CREBL2: variants seen among roughly 807,000 people sequenced by gnomAD.
CREBL2 encodes cAMP responsive element binding protein like 2, also known as cAMP-responsive element-binding protein-like 2.
Under a neutral mutation model 19.5 loss-of-function variants are expected in CREBL2, and 4 were observed. That is an observed-to-expected ratio of 0.20 (90% CI 0.10 to 0.47). The LOEUF is 0.47. CREBL2 is among the 20% of genes least tolerant of loss of function. The probability of loss-of-function intolerance (pLI) is 0.98; values close to 1 mark genes in which losing one functional copy is unlikely to be tolerated. For missense variants in CREBL2, 85 were observed against 145.1 expected (o/e 0.59, Z 2.13); for synonymous variants, 42 against 46.6 (o/e 0.90, Z 0.40).
At position 12,613,854 on chromosome 12, in the gene CREBL2, G is replaced by A. The variant is rs1474191074; in HGVS notation, c.15+1667G>A. Among the ~76,000 whole-genome samples, 6 of 151,146 alleles carry A rather than the reference G, an allele frequency of 4.0e-5. No individual in the cohort carries two copies. In the East Asian group the frequency reaches 7.7e-4, roughly 19 times the overall value. On this transcript the variant is annotated intron_variant, in intron 1 of 3. Transcript: ENST00000228865. ...AACATTCGTGGGGTATGATATTGGG[G>A]AAGTGGTATTTCCAAGACAGAAGGG...
chr12:12,616,877 T>G (rs1206065963), intron 1 of CREBL2, among the ~76,000 whole-genome samples: 1 of 152,144 alleles, frequency 6.6e-6, no homozygotes, highest in Non-Finnish European at 1.5e-5. Context: ...ATAAACTGGC[T>G]GACAGCAAGA....
At position 12,615,840 on chromosome 12, in the gene CREBL2, A is replaced by G. The variant is rs1030891355; in HGVS notation, c.15+3653A>G. ...TTCCATGTATGTGGCCGAAGGAACA[A>G]CTCCATGTGTTCTAAAAGGCCTGGA... On this transcript the variant is annotated intron_variant, in intron 1 of 3. Transcript: ENST00000228865. 4.6e-5 allele frequency: 7 copies of G among 152,170 alleles called. 1 individual carries two copies. The highest frequency in any genetic ancestry group is 1.7e-4 in the African/African-American group (7 of 41,386). 9.4% of individuals were successfully genotyped at this position (152,170 alleles called of 1,614,324 possible). A position where few individuals can be genotyped will look rare whatever the true frequency, so the allele number is the denominator to read the frequency against.
At chr12:12,619,075 G>GGGAGAGGAGGGA in intron 1 of CREBL2, among the ~76,000 whole-genome samples, 1 of 151,754 alleles carries the variant, frequency 6.6e-6, no homozygotes, top group Non-Finnish European at 1.5e-5. Context: ...GAGAGGGAGA[G>GGGAGAGGAGGGA]GAGGGAGAGG....
chr12:12,638,999 GA>G (rs1319990778), intron 3 of CREBL2, among the ~76,000 whole-genome samples: 1 of 152,050 alleles, frequency 6.6e-6, no homozygotes, highest in Non-Finnish European at 1.5e-5. Context: ...TGGCAACCAT[GA>G]ATCTACTTTC....
chr12:12,630,001 A>G (rs960604642), intron 1 of CREBL2, among the ~76,000 whole-genome samples: 1 of 152,126 alleles, frequency 6.6e-6, no homozygotes, highest in African/African-American at 2.4e-5. Context: ...TGCTAGATTC[A>G]GCCTTCTAGT....
intron 1 of CREBL2, among the ~76,000 whole-genome samples, chr12:12,624,002 C>G (rs1335508042): frequency 1.3e-5 from 2 of 152,196 alleles, no homozygotes; most frequent in Non-Finnish European, 2.9e-5. Context: ...GATTCTTCCC[C>G]ATGACCTCCA....
chr12:12,624,856 A>G (rs1355691438), intron 1 of CREBL2, among the ~76,000 whole-genome samples: 1 of 152,210 alleles, frequency 6.6e-6, no homozygotes, highest in Non-Finnish European at 1.5e-5. Context: ...ATGAGGTCAC[A>G]CAAATGAATT....
At chr12:12,619,154 A>G (rs1399263059) in intron 1 of CREBL2, among the ~76,000 whole-genome samples, 1 of 152,088 alleles carries the variant, frequency 6.6e-6, no homozygotes, top group Non-Finnish European at 1.5e-5. Flanking sequence ...TGTAACACCT[A>G]CACTACCCTT....
chr12:12,621,122 A>G (rs773750199), intron 1 of CREBL2, among the ~76,000 whole-genome samples: 1 of 152,242 alleles, frequency 6.6e-6, no homozygotes, highest in Non-Finnish European at 1.5e-5. Context: ...CATGCACACC[A>G]TATGGTCTCT....
rs764642919 is a variant in CREBL2, at chr12:12,612,881, TATTA to T, written c.15+698_15+701del. Reference sequence around the variant, plus strand: ...TATGTATAGCCTTTTTGTCTTTATTTATTAATTGAGACGGAGTTTCGCTCTTGTC... The same window carrying T: ...TATGTATAGCCTTTTTGTCTTTATTTATTGAGACGGAGTTTCGCTCTTGTC... On this transcript the variant is annotated intron_variant, in intron 1 of 3. Coordinates refer to ENST00000228865, the MANE Select transcript of CREBL2 (RefSeq NM_001310.4). 2.0e-4 allele frequency among the ~76,000 whole-genome samples: 31 copies of T among 152,352 alleles called. 1 individual carries two copies. The highest frequency in any genetic ancestry group is 4.1e-4 in the South Asian group (2 of 4,830).
At chr12:12,637,999 T>G (rs937425012) in intron 3 of CREBL2, among the ~76,000 whole-genome samples, 1 of 151,932 alleles carries the variant, frequency 6.6e-6, no homozygotes, top group African/African-American at 2.4e-5. Context: ...GCCATGATCA[T>G]GAAACCCTGT....
chr12:12,619,555 GA>G, intron 1 of CREBL2, among the ~76,000 whole-genome samples: 1 of 152,254 alleles, frequency 6.6e-6, no homozygotes, highest in African/African-American at 2.4e-5. Flanking sequence ...AGGTTGCTGT[GA>G]GCCGAGATCA....
At chr12:12,634,599 G>A (rs1945461080) in intron 1 of CREBL2, among the ~76,000 whole-genome samples, 1 of 152,098 alleles carries the variant, frequency 6.6e-6, no homozygotes, top group Admixed American at 6.5e-5. Flanking sequence ...GTGAGGAAAA[G>A]CTATTTATAA....
chr12:12,644,899 C>T lies in CREBL2; in HGVS notation c.*2901C>T, dbSNP rs1012351827. 6.6e-6 allele frequency: 1 copy of T among 152,152 alleles called. No individual in the cohort carries two copies. Among genetic ancestry groups the T allele is most frequent in the African/African-American group, 2.4e-5 (1 of 41,422 alleles). 9.4% of individuals were successfully genotyped at this position (152,152 alleles called of 1,614,324 possible). On this transcript the variant is annotated 3_prime_UTR_variant, in exon 4 of 4. Transcript: ENST00000228865. ...GTTATATTTCACAAGAAATCAGTTG[C>T]ATATTATCCATTACATATTTAGTTT...
intron 1 of CREBL2, among the ~76,000 whole-genome samples, chr12:12,623,109 T>C (rs1385854737): frequency 3.3e-5 from 5 of 151,662 alleles, no homozygotes; most frequent in Non-Finnish European, 7.4e-5. Context: ...CTTTTTTTTT[T>C]TTTTTTTTGT....
At chr12:12,615,627 G>A (rs1489951970) in intron 1 of CREBL2, 1 of 152,034 alleles carries the variant, frequency 6.6e-6, no homozygotes, top group Admixed American at 6.6e-5. Flanking sequence ...CCTCTGAGTG[G>A]GGATTACAGG....
rs937483820 is a variant in CREBL2, at chr12:12,644,996, A to G, written c.*2998A>G. 3.3e-5 allele frequency: 5 copies of G among 152,214 alleles called. No individual in the cohort carries two copies. Among genetic ancestry groups the G allele is most frequent in the Non-Finnish European group, 5.9e-5 (4 of 68,028 alleles). The allele number at this position is 152,214 out of a possible 1,614,324, so 9.4% of individuals were successfully genotyped here. A position where few individuals can be genotyped will look rare whatever the true frequency, so the allele number is the denominator to read the frequency against. ...ATTTGATCTCTCAGCCTGCTTTCTC[A>G]TCTGTAAAAAAGGGGGGAGGATAAC... On this transcript the variant is annotated 3_prime_UTR_variant, in exon 4 of 4. Coordinates refer to ENST00000228865, the MANE Select transcript of CREBL2 (RefSeq NM_001310.4).
At chr12:12,628,780 C>G (rs906067986) in intron 1 of CREBL2, among the ~76,000 whole-genome samples, 13 of 152,108 alleles carry the variant, frequency 8.5e-5, no homozygotes, top group Non-Finnish European at 1.5e-4. Flanking sequence ...CCGGCTTGTT[C>G]AATTTTTAAT....
rs1945536107 is a variant in CREBL2, at chr12:12,642,959, G to A, written c.*961G>A. ...TGAAGAAAATTGGATGAAATTAGCT[G>A]CTGAGATTGAGTTTCTGCCTTAAAA... On this transcript the variant is annotated 3_prime_UTR_variant, in exon 4 of 4. Transcript: ENST00000228865. The A allele has an allele frequency of 6.6e-6, 1 of 152,628 alleles. No individual in the cohort carries two copies. Among genetic ancestry groups the A allele is most frequent in the African/African-American group, 2.4e-5 (1 of 41,442 alleles). 9.5% of individuals were successfully genotyped at this position (152,628 alleles called of 1,614,324 possible). A position where few individuals can be genotyped will look rare whatever the true frequency, so the allele number is the denominator to read the frequency against.
Sources: gnomAD v4.1 joint callset for allele counts (sites outside exome capture counted in the v4.1 genomes callset) on GRCh38, gnomAD v4.1.1 for gene constraint, MANE v1.5 for transcripts, NCBI Gene and HGNC (gene_info 2026-07-23, HGNC 2026-07-21) for gene names.